CPZ: variants seen among roughly 807,000 people sequenced by gnomAD.
The protein encoded by CPZ is VEZT/CPZ fusion.
Under a neutral mutation model 61.8 loss-of-function variants are expected in CPZ, and 103 were observed. The observed-to-expected ratio is 1.67, with a 90% CI of 1.42 to 1.96. CPZ has a LOEUF of 1.96. Among genes scored for constraint, CPZ ranks in the 30% most tolerant of loss-of-function variants. The probability of loss-of-function intolerance (pLI) is 0.00; values close to 1 mark genes in which losing one functional copy is unlikely to be tolerated. For synonymous variants in CPZ, 551 were observed against 373.7 expected (o/e 1.47, Z -5.47); for missense variants, 1,461 against 914.9 (o/e 1.60, Z -7.70).
intron 4 of CPZ, among the ~76,000 whole-genome samples, chr4:8,605,351 T>TCCATCCATCC (rs1560293892): frequency 4.2e-4 from 7 of 16,858 alleles, no homozygotes; most frequent in African/African-American, 1.4e-3. Flanking sequence ...TCCATCCATT[T>TCCATCCATCC]ATTCATTCAG....
At chr4:8,600,957 GCT>G (rs539502403) in intron 2 of CPZ, 164 bp from the exon 3 acceptor site, 216 of 1,374,708 alleles carry the variant, frequency 1.6e-4, no homozygotes, top group Admixed American at 4.4e-4. Context: ...TCTCTCACAG[GCT>G]CTGATTCCTG....
chr4:8,592,920 C>CGGTAAG lies in CPZ; in HGVS notation c.88+1_88+6dup, dbSNP rs959655391. On this transcript the variant is annotated inframe_insertion and splice_region_variant, in exon 1 of 11. Coordinates refer to ENST00000360986, the MANE Select transcript of CPZ (RefSeq NM_001014447.3). The stretch of plus-strand genomic sequence containing the variant: ...GGTGCGAGTTTGAGCGGAACCCCGC[C>CGGTAAG]GGTAAGGCCGTCCCCTGCCCCCACC... The CGGTAAG allele has an allele frequency of 6.5e-7, 1 of 1,534,914 alleles. No individual in the cohort carries two copies. The highest frequency in any genetic ancestry group is 8.7e-7 in the Non-Finnish European group (1 of 1,143,726).
At chr4:8,615,986 C>T (rs748304280) in intron 9 of CPZ, among the ~76,000 whole-genome samples, 22 of 152,208 alleles carry the variant, frequency 1.4e-4, no homozygotes, top group Non-Finnish European at 2.6e-4. Context: ...AGCTCTCGCG[C>T]CAGGCCTGTG....
intron 7 of CPZ, among the ~76,000 whole-genome samples, chr4:8,608,851 G>A (rs1439092588): frequency 6.6e-6 from 1 of 152,198 alleles, no homozygotes; most frequent in Non-Finnish European, 1.5e-5. Flanking sequence ...CAGGGAGCCG[G>A]GTGCAGGGGC....
At chr4:8,610,918 G>A (rs1002902390) in intron 7 of CPZ, among the ~76,000 whole-genome samples, 7 of 152,040 alleles carry the variant, frequency 4.6e-5, no homozygotes, top group Admixed American at 1.3e-4. Flanking sequence ...CTGGGAGTCC[G>A]AGTCTCATGA....
At chr4:8,614,263 G>GA (rs2109342907) in intron 8 of CPZ, 96 bp from the exon 9 acceptor site, 1 of 1,483,464 alleles carries the variant, frequency 6.7e-7, no homozygotes, top group Non-Finnish European at 9.0e-7. Flanking sequence ...TGACACCCCG[G>GA]CGTCCCGGCT....
At chr4:8,607,001 T>C (rs748413563) in intron 6 of CPZ, 103 bp downstream of exon 6, 81 of 1,335,502 alleles carry the variant, frequency 6.1e-5, no homozygotes, top group Non-Finnish European at 7.9e-5. Context: ...CAGGAGAGCC[T>C]GGTGCTCCCT....
intron 1 of CPZ, among the ~76,000 whole-genome samples, chr4:8,597,251 G>A (rs1183347643): frequency 1.3e-5 from 2 of 152,230 alleles, no homozygotes; most frequent in Non-Finnish European, 2.9e-5. Flanking sequence ...AGGGCCCTGT[G>A]TGGATGCCAG....
chr4:8,609,184 G>GCTCCCT (rs1577120139), intron 7 of CPZ, among the ~76,000 whole-genome samples: 16 of 109,406 alleles, frequency 1.5e-4, no homozygotes, highest in Admixed American at 3.3e-4. Context: ...ATTCACTCAG[G>GCTCCCT]CATTCACTCA....
intron 8 of CPZ, among the ~76,000 whole-genome samples, chr4:8,613,133 CTTTTT>C (rs36005113): frequency 7.4e-6 from 1 of 134,708 alleles, no homozygotes; most frequent in Admixed American, 7.4e-5. Context: ...CTCTCTGTTC[CTTTTT>C]TTTTTTTTTT....
chr4:8,595,066 C>G (rs1714077436), intron 1 of CPZ, among the ~76,000 whole-genome samples: 1 of 152,266 alleles, frequency 6.6e-6, no homozygotes, highest in Admixed American at 6.5e-5. Flanking sequence ...GCCACCACGC[C>G]TGGCCTGTAA....
rs1560296313 is a variant in CPZ, at chr4:8,607,427, TGA to T, written c.1227+6_1227+7del. ...TTTTCTCCCACGCCCGACGAGAAGG[TGA>T]GAGGGCTGTCGGGTGTGTGCAGGGG... On this transcript the variant is annotated splice_donor_region_variant and intron_variant, in intron 7 of 10. Transcript: ENST00000360986. The T allele has an allele frequency of 3.1e-6, 5 of 1,613,550 alleles. No homozygotes were observed. Among genetic ancestry groups the T allele is most frequent in the South Asian group, 1.1e-5 (1 of 91,040 alleles).
intron 9 of CPZ, among the ~76,000 whole-genome samples, chr4:8,616,876 G>C (rs942977565): frequency 2.0e-5 from 3 of 152,182 alleles, no homozygotes; most frequent in African/African-American, 7.2e-5. Context: ...TGGGGGTCAC[G>C]AGCCCCAGAG....
chr4:8,605,267 G>A (rs1171113099), intron 4 of CPZ, among the ~76,000 whole-genome samples: 2 of 151,000 alleles, frequency 1.3e-5, no homozygotes, highest in Admixed American at 6.6e-5. Flanking sequence ...CAGTCACACA[G>A]CCAGTAAGGC....
intron 1 of CPZ, among the ~76,000 whole-genome samples, chr4:8,593,741 AG>A (rs1194788465): frequency 2.6e-5 from 4 of 152,218 alleles, no homozygotes; most frequent in Non-Finnish European, 1.5e-5. Flanking sequence ...GAACTGCCTG[AG>A]CCCTGCGAGT....
intron 7 of CPZ, among the ~76,000 whole-genome samples, chr4:8,607,666 C>T (rs1715153237): frequency 6.6e-6 from 1 of 152,196 alleles, no homozygotes; most frequent in African/African-American, 2.4e-5. Context: ...CTGTCTTTCA[C>T]ATGTCCCCGT....
intron 8 of CPZ, 100 bp downstream of exon 8, chr4:8,612,262 A>G: frequency 9.5e-7 from 1 of 1,048,422 alleles, no homozygotes. Context: ...GCTGGGATCC[A>G]GCTGGAGAGC....
chr4:8,608,255 C>T (rs1172404264), intron 7 of CPZ, among the ~76,000 whole-genome samples: 1 of 151,962 alleles, frequency 6.6e-6, no homozygotes, highest in Non-Finnish European at 1.5e-5. Context: ...CTTGATGGCC[C>T]AGAGTCGCTC....
chr4:8,601,010 G>T, intron 2 of CPZ, 113 bp from the exon 3 acceptor site: 1 of 1,432,646 alleles, frequency 7.0e-7, no homozygotes, highest in Admixed American at 2.8e-5. Flanking sequence ...CCAGACCGTG[G>T]GTGCCCCTCC....
Sources: allele counts gnomAD v4.1 joint callset (sites outside exome capture counted in the v4.1 genomes callset), GRCh38; gene constraint gnomAD v4.1.1; transcripts MANE v1.5; gene names NCBI Gene and HGNC (gene_info 2026-07-23, HGNC 2026-07-21).